The following NR3C2 variants were observed in gnomAD, a reference collection of about 807,000 sequenced individuals.
The protein encoded by NR3C2 is mineralocorticoid receptor.
NR3C2 carries 15 observed loss-of-function variants against 86.4 expected under a neutral mutation model. The ratio of observed to expected loss-of-function variants is 0.17; its 90% CI spans 0.12 to 0.27. NR3C2 has a LOEUF of 0.27. NR3C2 is among the 10% of genes least tolerant of loss of function. The pLI is 1.00. For synonymous variants in NR3C2, 458 were observed against 450.5 expected, an observed-to-expected ratio of 1.02 and a Z score of -0.21; for missense variants, 960 against 1,195.6, an observed-to-expected ratio of 0.80 and a Z score of 2.91.
chr4:148,294,937 T>C (rs1394102783), intron 2 of NR3C2, among the ~76,000 whole-genome samples: 2 of 152,128 alleles, frequency 1.3e-5, no homozygotes, highest in Non-Finnish European at 2.9e-5. Flanking sequence ...CAATGAGCTA[T>C]GATCACGCCA....
Position 148,435,233 on chromosome 4 carries a change from G to T in NR3C2, c.1628C>A (p.Ser543Tyr). The change falls in exon 2 of 9, where the codon TCT becomes TAT. Residue 543 changes from serine to tyrosine, a missense_variant. Physicochemically the swap from Ser to Tyr is moderately radical, Grantham distance 144 (BLOSUM62 -2). This residue lies in a region of NR3C2 where 680 missense variants were observed against 719.0 expected (regional missense o/e 0.95). Coordinates refer to ENST00000358102, the MANE Select transcript of NR3C2 (RefSeq NM_000901.5). ...AGGAAAGGAACTCAGGTGTTGGAAA[G>T]ATTGGTCTCTAGCCGATCGTGATAA... ...ISLSRSARDQ[S>Y]FQHLSSFPPV... 6.2e-7 allele frequency: 1 copy of T among 1,614,210 alleles called. No homozygotes were observed. Among genetic ancestry groups the T allele is most frequent in the Non-Finnish European group, 8.5e-7 (1 of 1,180,042 alleles).
At chr4:148,161,380 C>T (rs1734652387) in intron 4 of NR3C2, among the ~76,000 whole-genome samples, 1 of 151,210 alleles carries the variant, frequency 6.6e-6, no homozygotes, top group Non-Finnish European at 1.5e-5. Context: ...GATGGAGTCT[C>T]ACTCTGTTGC....
Position 148,081,459 on chromosome 4 carries a change from C to T in NR3C2, c.2840G>A (p.Arg947Gln), listed in dbSNP as rs1730554872. The stretch of plus-strand genomic sequence containing the variant: ...CTCTACCTTCAGCGCATGGGACTCT[C>T]GGAAGGTGTAGAAGCAGAATTCCAG... Reference protein sequence around the residue: ...DLLEFCFYTFRESHALKVEFP... With the variant: ...DLLEFCFYTFQESHALKVEFP... Residue 947 changes from arginine (R) to glutamine (Q), a missense_variant, in exon 9 of 9, where the codon CGA becomes CAA. Physicochemically the swap from Arg to Gln is conservative, Grantham distance 43. Around this residue, in one of 4 missense-constraint regions of NR3C2, gnomAD observed 151 missense variants for 296.3 expected, o/e 0.51. Transcript: ENST00000358102. The T allele has an allele frequency of 2.5e-6, 4 of 1,613,922 alleles. No homozygotes were observed. The highest frequency in any genetic ancestry group is 3.4e-6 in the Non-Finnish European group (4 of 1,180,008).
intron 2 of NR3C2, among the ~76,000 whole-genome samples, chr4:148,359,723 T>C (rs575701709): frequency 2.6e-5 from 4 of 152,276 alleles, no homozygotes; most frequent in African/African-American, 9.6e-5. Flanking sequence ...ACGTGCAAGC[T>C]GTGTACCCAG....
chr4:148,324,336 T>TGTGTGTGTGTGTGG (rs1491061175), intron 2 of NR3C2, among the ~76,000 whole-genome samples: 4 of 74,102 alleles, frequency 5.4e-5, no homozygotes, highest in African/African-American at 2.7e-4. Context: ...TTCCTCTGTG[T>TGTGTGTGTGTGTGG]GTGTGTGTGT....
intron 6 of NR3C2, 89 bp downstream of exon 6, chr4:148,152,380 C>G (rs1205845029): frequency 1.4e-6 from 2 of 1,418,892 alleles, no homozygotes; most frequent in East Asian, 2.3e-5. Flanking sequence ...ATTCTTTCAC[C>G]AACGTACATC....
At chr4:148,247,487 C>T (rs1406315895) in intron 3 of NR3C2, among the ~76,000 whole-genome samples, 1 of 152,026 alleles carries the variant, frequency 6.6e-6, no homozygotes, top group Non-Finnish European at 1.5e-5. Context: ...ATTTGTATTG[C>T]TTTACTGAAA....
At chr4:148,387,350 C>T (rs1246653532) in intron 2 of NR3C2, among the ~76,000 whole-genome samples, 1 of 152,174 alleles carries the variant, frequency 6.6e-6, no homozygotes, top group African/African-American at 2.4e-5. Context: ...CATTACAAAG[C>T]TACCTACCTG....
intron 2 of NR3C2, among the ~76,000 whole-genome samples, chr4:148,387,420 T>TA: frequency 6.6e-6 from 1 of 152,362 alleles, no homozygotes; most frequent in Non-Finnish European, 1.5e-5. Flanking sequence ...TAAGCCACTT[T>TA]AGCCTGAGTT....
intron 6 of NR3C2, among the ~76,000 whole-genome samples, chr4:148,125,724 G>C (rs1027107181): frequency 1.3e-5 from 2 of 152,034 alleles, no homozygotes; most frequent in Admixed American, 1.3e-4. Flanking sequence ...AAAAGAATAT[G>C]ATAAACAAGT....
At chr4:148,299,301 CTTTT>C (rs968730290) in intron 2 of NR3C2, among the ~76,000 whole-genome samples, 18 of 151,998 alleles carry the variant, frequency 1.2e-4, no homozygotes, top group African/African-American at 4.1e-4. Context: ...ATCTTTTCCC[CTTTT>C]TTTTCTGAGG....
chr4:148,344,247 C>G (rs997343341), intron 2 of NR3C2, among the ~76,000 whole-genome samples: 1 of 152,046 alleles, frequency 6.6e-6, no homozygotes, highest in Non-Finnish European at 1.5e-5. Flanking sequence ...TCTGAAAATA[C>G]TCAAATGTAT....
chr4:148,311,684 G>GC (rs941992122), intron 2 of NR3C2, among the ~76,000 whole-genome samples: 1 of 152,128 alleles, frequency 6.6e-6, no homozygotes, highest in Non-Finnish European at 1.5e-5. Context: ...GTTTCCAACT[G>GC]CCCCAGTGAC....
intron 2 of NR3C2, among the ~76,000 whole-genome samples, chr4:148,305,177 A>C (rs1427140658): frequency 6.6e-6 from 1 of 152,162 alleles, no homozygotes; most frequent in Non-Finnish European, 1.5e-5. Flanking sequence ...TATAATGAAA[A>C]GTAGGAAATC....
intron 2 of NR3C2, among the ~76,000 whole-genome samples, chr4:148,335,761 TAA>T (rs58947029): frequency 1.4e-5 from 2 of 146,772 alleles, no homozygotes; most frequent in African/African-American, 4.9e-5. Flanking sequence ...AAAAAGTAAT[TAA>T]AAAAAAAAAC....
chr4:148,414,284 G>A (rs533750176), intron 2 of NR3C2, among the ~76,000 whole-genome samples: 123 of 152,210 alleles, frequency 8.1e-4, no homozygotes, highest in African/African-American at 2.7e-3. Context: ...GACTGCTTCC[G>A]CAAAGACAGG....
intron 2 of NR3C2, among the ~76,000 whole-genome samples, chr4:148,359,355 C>T (rs182273132): frequency 2.0e-5 from 3 of 152,106 alleles, no homozygotes; most frequent in South Asian, 2.1e-4. Flanking sequence ...CCACATAGTT[C>T]TTACATGTTC....
chr4:148,168,372 A>C (rs751678720), intron 4 of NR3C2, among the ~76,000 whole-genome samples: 2 of 152,196 alleles, frequency 1.3e-5, no homozygotes, highest in East Asian at 1.9e-4. Flanking sequence ...CTAGACCCAG[A>C]AAGGACCTCA....
At chr4:148,443,937 G>A, upstream of NR3C2, 1 of 948,610 alleles carries the variant, frequency 1.1e-6, no homozygotes, top group Non-Finnish European at 1.3e-6. Flanking sequence ...GACAGCGGCA[G>A]CGCCGCGAGC....
Sources: allele counts gnomAD v4.1 joint callset (sites outside exome capture counted in the v4.1 genomes callset), GRCh38; gene constraint gnomAD v4.1.1; regional missense constraint gnomAD v4.1.1; transcripts MANE v1.5; gene names NCBI Gene and HGNC (gene_info 2026-07-23, HGNC 2026-07-21).